The following SLC39A14 variants were observed in gnomAD, a reference collection of about 807,000 sequenced individuals.
The protein encoded by SLC39A14 is solute carrier family 39 member 14, also known as metal cation symporter ZIP14.
SLC39A14 carries 19 observed loss-of-function variants against 45.5 expected under a neutral mutation model. The observed-to-expected ratio is 0.42, with a 90% CI of 0.29 to 0.61. The LOEUF (loss-of-function observed/expected upper bound fraction) is 0.61. SLC39A14 is among the 20% of genes least tolerant of loss of function. SLC39A14 has a pLI of 0.22. For missense variants in SLC39A14, 447 were observed against 616.5 expected (o/e 0.73, Z 2.91); for synonymous variants, 264 against 251.3 (o/e 1.05, Z -0.48).
At chr8:22,412,967 C>T (rs892479034) in intron 4 of SLC39A14, among the ~76,000 whole-genome samples, 2 of 152,164 alleles carry the variant, frequency 1.3e-5, no homozygotes, top group African/African-American at 4.8e-5. Context: ...CCCACATCAT[C>T]AGAACCCACA....
rs1260553693 is a variant in SLC39A14 at position 22,422,417 on chromosome 8, C to T, written c.*2719C>T. 9 of 985,640 alleles carry T rather than the reference C, an allele frequency of 9.1e-6. No individual in the cohort carries two copies. Among genetic ancestry groups the T allele is most frequent in the Admixed American group, 6.2e-5 (1 of 16,260 alleles). 61.1% of individuals were successfully genotyped at this position (985,640 alleles called of 1,614,324 possible). A position where few individuals can be genotyped will look rare whatever the true frequency, so the allele number is the denominator to read the frequency against. ...AAAGAAGGCTTCTCTGTTTGGGTAG[C>T]GTAAGAGCTGAGTATAGTAAGTCCT... is the stretch of plus-strand genomic sequence containing the variant. On this transcript the variant is annotated 3_prime_UTR_variant, in exon 9 of 9. Coordinates refer to ENST00000381237, the MANE Select transcript of SLC39A14 (RefSeq NM_001128431.4).
At chr8:22,426,976 C>T (rs536902163), downstream of SLC39A14, among the ~76,000 whole-genome samples, 3 of 151,810 alleles carry the variant, frequency 2.0e-5, no homozygotes, top group South Asian at 2.1e-4. Context: ...TGAGCCACCA[C>T]GATCAATGTG....
At chr8:22,428,833 A>G (rs1836426745) in intron 8 of SLC39A14, among the ~76,000 whole-genome samples, 1 of 152,162 alleles carries the variant, frequency 6.6e-6, no homozygotes, top group Non-Finnish European at 1.5e-5. Context: ...TTTTTCACTG[A>G]AAAACTTAAA....
intron 1 of SLC39A14, among the ~76,000 whole-genome samples, chr8:22,386,123 G>C (rs1202283144): frequency 1.3e-5 from 2 of 150,326 alleles, no homozygotes; most frequent in Non-Finnish European, 3.0e-5. Context: ...GTATTTTTTT[G>C]GTAGAGACGG....
intron 1 of SLC39A14, among the ~76,000 whole-genome samples, chr8:22,381,214 T>C (rs2404328): frequency 0.57 from 86,494 of 151,638 alleles, 25,848 homozygotes; most frequent in East Asian, 0.79. Flanking sequence ...CCTCGTGATC[T>C]GCCCGCCTCG....
intron 1 of SLC39A14, among the ~76,000 whole-genome samples, chr8:22,383,893 C>T (rs1437782478): frequency 6.6e-6 from 1 of 152,186 alleles, no homozygotes; most frequent in Admixed American, 6.6e-5. Flanking sequence ...GGGCAGCAAG[C>T]CACGCTGTTC....
At chr8:22,428,412 A>AGCT (rs1456981163) in intron 8 of SLC39A14, among the ~76,000 whole-genome samples, 1 of 152,076 alleles carries the variant, frequency 6.6e-6, no homozygotes, top group African/African-American at 2.4e-5. Context: ...GCTTAGTAGA[A>AGCT]AAATTTTGTG....
chr8:22,394,601 G>C (rs1303205729), intron 1 of SLC39A14, among the ~76,000 whole-genome samples: 1 of 152,134 alleles, frequency 6.6e-6, no homozygotes, highest in Non-Finnish European at 1.5e-5. Context: ...TTGCAGGCGT[G>C]AGCCACTGTG....
At chr8:22,409,609 T>TGACCTCAGGTGATCCA (rs568464018) in intron 3 of SLC39A14, among the ~76,000 whole-genome samples, 470 of 152,336 alleles carry the variant, frequency 3.1e-3, no homozygotes, top group African/African-American at 0.011. Context: ...CTCGAACTCC[T>TGACCTCAGGTGATCCA]GACCTCAGGT....
intron 1 of SLC39A14, among the ~76,000 whole-genome samples, chr8:22,397,363 G>C (rs1563537408): frequency 1.3e-5 from 2 of 152,156 alleles, no homozygotes; most frequent in Non-Finnish European, 2.9e-5. Flanking sequence ...CAAATCACGA[G>C]GTCAGGAGAT....
At chr8:22,408,565 G>A in intron 3 of SLC39A14, 69 bp downstream of exon 3, 2 of 1,426,002 alleles carry the variant, frequency 1.4e-6, no homozygotes, top group Non-Finnish European at 1.9e-6. Flanking sequence ...CCCCTGGGCT[G>A]AGCTGCTGCT....
chr8:22,406,490 G>C (rs1314230560), intron 2 of SLC39A14, among the ~76,000 whole-genome samples: 1 of 152,070 alleles, frequency 6.6e-6, no homozygotes, highest in Non-Finnish European at 1.5e-5. Flanking sequence ...TCAGGAGATC[G>C]AGACCATCCT....
chr8:22,423,601 C>T (rs891826057), downstream of SLC39A14, among the ~76,000 whole-genome samples: 4 of 152,052 alleles, frequency 2.6e-5, no homozygotes. Flanking sequence ...TCCCAAAGTG[C>T]TGGGATTACA....
At chr8:22,428,910 G>C (rs948357074) in intron 8 of SLC39A14, among the ~76,000 whole-genome samples, 1 of 152,170 alleles carries the variant, frequency 6.6e-6, no homozygotes, top group African/African-American at 2.4e-5. Flanking sequence ...TAATTTTTGA[G>C]CAAACGAAGG....
chr8:22,421,749 A>G lies in SLC39A14; in HGVS notation c.*2051A>G, dbSNP rs1217697075. 7 of 984,266 alleles carry G rather than the reference A, an allele frequency of 7.1e-6. No individual in the cohort carries two copies. In the African/African-American group the frequency reaches 8.7e-5, roughly 12 times the overall value. The allele number at this position is 984,266 out of a possible 1,614,324, so 61.0% of individuals were successfully genotyped here. A position where few individuals can be genotyped will look rare whatever the true frequency, so the allele number is the denominator to read the frequency against. ...CCCAATAGATCCTATCATTCCTTAA[A>G]CATAATACCCTTTGTCTTGGAGTAG... On this transcript the variant is annotated 3_prime_UTR_variant, in exon 9 of 9. Coordinates refer to ENST00000381237, the MANE Select transcript of SLC39A14 (RefSeq NM_001128431.4).
At chr8:22,414,560 A>G (rs532153441) in intron 4 of SLC39A14, among the ~76,000 whole-genome samples, 2 of 152,336 alleles carry the variant, frequency 1.3e-5, no homozygotes, top group African/African-American at 4.8e-5. Flanking sequence ...CTTTTGCATC[A>G]GCAAATAAGC....
At chr8:22,416,489 A>G (rs947451411) in intron 7 of SLC39A14, among the ~76,000 whole-genome samples, 2 of 151,734 alleles carry the variant, frequency 1.3e-5, no homozygotes, top group African/African-American at 4.8e-5. Context: ...CAGTGATGTG[A>G]TCTCGGCTCA....
At chr8:22,383,715 C>T (rs966185068) in intron 1 of SLC39A14, among the ~76,000 whole-genome samples, 2 of 152,174 alleles carry the variant, frequency 1.3e-5, no homozygotes, top group African/African-American at 2.4e-5. Flanking sequence ...TCCTCCCTGC[C>T]TCCGCCCTTC....
At chr8:22,375,344 T>G (rs1488010909) in intron 1 of SLC39A14, among the ~76,000 whole-genome samples, 1 of 152,180 alleles carries the variant, frequency 6.6e-6, no homozygotes, top group African/African-American at 2.4e-5. Context: ...AAGTCGATAA[T>G]CCTGCTGCAG....
Sources: gnomAD v4.1 joint callset for allele counts (sites outside exome capture counted in the v4.1 genomes callset) on GRCh38, gnomAD v4.1.1 for gene constraint, MANE v1.5 for transcripts, NCBI Gene and HGNC (gene_info 2026-07-23, HGNC 2026-07-21) for gene names.